The following TRPM3 variants were observed in gnomAD, a reference collection of about 807,000 sequenced individuals.
TRPM3 encodes the protein long transient receptor potential channel 3.
In TRPM3, 77 loss-of-function variants were observed where a neutral mutation model predicts 181.2. The observed-to-expected ratio is 0.42, with a 90% CI of 0.35 to 0.51. The LOEUF is 0.51. TRPM3 is among the 20% of genes least tolerant of loss of function. The pLI is 0.01. For missense variants in TRPM3, 1,759 were observed against 2,196.7 expected (o/e 0.80, Z 3.98); for synonymous variants, 745 against 796.4 (o/e 0.94, Z 1.09).
chr9:70,783,900 T>C, intron 7 of TRPM3: 1 of 1,290,860 alleles, frequency 7.7e-7, no homozygotes. Context: ...GTAGCTTTCA[T>C]AGAATTTCCC....
chr9:71,367,670 A>T (rs554837603), intron 1 of TRPM3, among the ~76,000 whole-genome samples: 9 of 152,272 alleles, frequency 5.9e-5, no homozygotes, highest in Admixed American at 2.6e-4. Context: ...ACCATCAAAT[A>T]AGAGGATGGT....
chr9:71,164,891 G>T (rs56137008), intron 1 of TRPM3, among the ~76,000 whole-genome samples: 2,871 of 152,184 alleles, frequency 0.019, 105 homozygotes, highest in African/African-American at 0.066. Context: ...TAATCTTTTT[G>T]ATTCCATTTA....
chr9:70,920,688 T>C (rs76979257), intron 1 of TRPM3, among the ~76,000 whole-genome samples: 5,195 of 152,196 alleles, frequency 0.034, 277 homozygotes, highest in African/African-American at 0.12. Flanking sequence ...CATTATTTCA[T>C]AAATAAAAGG....
At chr9:70,864,306 G>C in intron 2 of TRPM3, 126 bp downstream of exon 2, 1 of 605,078 alleles carries the variant, frequency 1.7e-6, no homozygotes, top group Non-Finnish European at 2.7e-6. Context: ...CCTCAAAGAT[G>C]TCCAGAAACA....
chr9:71,204,846 A>T (rs2079027571), intron 1 of TRPM3, among the ~76,000 whole-genome samples: 1 of 152,214 alleles, frequency 6.6e-6, no homozygotes, highest in African/African-American at 2.4e-5. Flanking sequence ...GGATTAAGAA[A>T]ATGTGGCACA....
At chr9:71,339,988 T>A (rs1183199603) in intron 1 of TRPM3, among the ~76,000 whole-genome samples, 1 of 152,140 alleles carries the variant, frequency 6.6e-6, no homozygotes, top group Non-Finnish European at 1.5e-5. Context: ...ATCCAGGGAA[T>A]AAAACTGACC....
At chr9:71,328,512 A>G (rs2089884541) in intron 1 of TRPM3, among the ~76,000 whole-genome samples, 1 of 152,110 alleles carries the variant, frequency 6.6e-6, no homozygotes, top group African/African-American at 2.4e-5. Context: ...CAACCTGTCC[A>G]GATTTGCCAC....
At chr9:70,993,802 A>AAAAG (rs57430823) in intron 1 of TRPM3, among the ~76,000 whole-genome samples, 8 of 105,024 alleles carry the variant, frequency 7.6e-5, no homozygotes, top group Non-Finnish European at 1.1e-4. Flanking sequence ...AAAAAAAAAA[A>AAAAG]AAAGAAAGAA....
intron 18 of TRPM3, among the ~76,000 whole-genome samples, chr9:70,614,094 G>A (rs2062389037): frequency 6.6e-6 from 1 of 152,102 alleles, no homozygotes; most frequent in Non-Finnish European, 1.5e-5. Context: ...CTAAAAGTGT[G>A]GCTGATGGAG....
At chr9:71,149,937 C>T (rs532163496) in intron 1 of TRPM3, among the ~76,000 whole-genome samples, 1 of 151,968 alleles carries the variant, frequency 6.6e-6, no homozygotes, top group South Asian at 2.1e-4. Context: ...CATCCAGGCT[C>T]CACTTCAGCC....
At chr9:70,568,605 CTAT>C (rs1173546627) in intron 22 of TRPM3, among the ~76,000 whole-genome samples, 1 of 152,172 alleles carries the variant, frequency 6.6e-6, no homozygotes, top group Admixed American at 6.5e-5. Flanking sequence ...AAAGTAGATA[CTAT>C]TATTATGGCC....
At chr9:71,420,380 T>A (rs1395655615) in intron 1 of TRPM3, among the ~76,000 whole-genome samples, 1 of 151,756 alleles carries the variant, frequency 6.6e-6, no homozygotes, top group Non-Finnish European at 1.5e-5. Context: ...GGGGGAAATG[T>A]GAAAAGGGAA....
chr9:71,036,559 A>T (rs889216285), intron 1 of TRPM3, among the ~76,000 whole-genome samples: 1 of 152,224 alleles, frequency 6.6e-6, no homozygotes, highest in Non-Finnish European at 1.5e-5. Flanking sequence ...AACAGTGAAA[A>T]AGCTTCATTA....
chr9:71,072,337 T>C (rs1312203061), intron 1 of TRPM3, among the ~76,000 whole-genome samples: 6 of 152,352 alleles, frequency 3.9e-5, no homozygotes, highest in African/African-American at 1.4e-4. Flanking sequence ...CAAAGCATTT[T>C]GTCTTAGATT....
intron 1 of TRPM3, among the ~76,000 whole-genome samples, chr9:70,871,694 T>C (rs1453258121): frequency 2.0e-5 from 3 of 152,024 alleles, no homozygotes; most frequent in African/African-American, 7.2e-5. Context: ...GCATAAAATC[T>C]TGTGCATCAC....
chr9:71,230,482 A>T (rs2080980661), intron 1 of TRPM3, among the ~76,000 whole-genome samples: 1 of 152,232 alleles, frequency 6.6e-6, no homozygotes, highest in South Asian at 2.1e-4. Context: ...AATCATTTAT[A>T]ACACAAAGAA....
At chr9:71,428,979 T>G (rs552579953) in intron 1 of TRPM3, among the ~76,000 whole-genome samples, 70 of 151,714 alleles carry the variant, frequency 4.6e-4, no homozygotes, top group Non-Finnish European at 8.5e-4. Context: ...GAAACAGGCT[T>G]TTTATCTAGA....
intron 22 of TRPM3, 35 bp from the exon 23 acceptor site, chr9:70,553,345 T>C (rs947550560): frequency 1.2e-5 from 19 of 1,603,464 alleles, no homozygotes; most frequent in Non-Finnish European, 1.5e-5. Flanking sequence ...AATGAGAAAC[T>C]GGCTATTTGA....
At chr9:71,305,764 T>C (rs1049425082) in intron 1 of TRPM3, among the ~76,000 whole-genome samples, 3 of 152,164 alleles carry the variant, frequency 2.0e-5, no homozygotes, top group African/African-American at 7.2e-5. Flanking sequence ...TTTAGAAGTT[T>C]TGGAGTGCTA....
Sources: gnomAD v4.1 joint callset for allele counts (sites outside exome capture counted in the v4.1 genomes callset) on GRCh38, gnomAD v4.1.1 for gene constraint, MANE v1.5 for transcripts, NCBI Gene and HGNC (gene_info 2026-07-23, HGNC 2026-07-21) for gene names.